Variants in PPP6R3 observed in about 807,000 individuals in gnomAD.
PPP6R3 encodes protein phosphatase 6 regulatory subunit 3.
A neutral mutation model predicts 110.7 loss-of-function variants in PPP6R3; 38 were observed. The ratio of observed to expected loss-of-function variants is 0.34; its 90% CI spans 0.26 to 0.45. The LOEUF (loss-of-function observed/expected upper bound fraction) is 0.45. Among genes scored for constraint, PPP6R3 ranks in the 20% least tolerant of loss-of-function variants. The pLI is 1.00. For synonymous variants in PPP6R3, 369 were observed against 373.5 expected (o/e 0.99, Z 0.14); for missense variants, 870 against 1,062.4 (o/e 0.82, Z 2.52).
intron 12 of PPP6R3, among the ~76,000 whole-genome samples, chr11:68,573,796 G>A (rs993967255): frequency 6.6e-6 from 1 of 152,112 alleles, no homozygotes; most frequent in Non-Finnish European, 1.5e-5. Context: ...ATCAGAGAAG[G>A]TTTATTTGAT....
At chr11:68,562,450 C>T (rs995260594) in intron 8 of PPP6R3, among the ~76,000 whole-genome samples, 1 of 152,116 alleles carries the variant, frequency 6.6e-6, no homozygotes, top group Non-Finnish European at 1.5e-5. Flanking sequence ...CTAAAACTTG[C>T]ACAAGAATCA....
intron 1 of PPP6R3, among the ~76,000 whole-genome samples, chr11:68,504,502 C>G (rs1353404313): frequency 1.3e-5 from 2 of 152,166 alleles, no homozygotes; most frequent in Non-Finnish European, 2.9e-5. Flanking sequence ...GAGTTATACG[C>G]CATAGGAAAG....
At chr11:68,488,064 G>C (rs2098959584) in intron 1 of PPP6R3, among the ~76,000 whole-genome samples, 1 of 152,184 alleles carries the variant, frequency 6.6e-6, no homozygotes, top group South Asian at 2.1e-4. Flanking sequence ...TACACATTAA[G>C]GATTGTTATG....
rs141179875 is a variant in PPP6R3, at chr11:68,611,639, C to T, written c.2571-1427C>T. 4.3e-4 allele frequency among the ~76,000 whole-genome samples: 66 copies of T among 152,198 alleles called. No individual in the cohort carries two copies. The East Asian group carries it at 7.9e-3, about 18-fold the overall frequency. On this transcript the variant is annotated intron_variant, in intron 23 of 23. Transcript: ENST00000393800. ...GGCCGGGTCATAAAGCTGCAGCACACGGACACCCAGTGGTCTCGGGGCATA... is the reference window on the plus strand; with the variant it reads ...GGCCGGGTCATAAAGCTGCAGCACATGGACACCCAGTGGTCTCGGGGCATA...
intron 4 of PPP6R3, among the ~76,000 whole-genome samples, chr11:68,547,051 A>G (rs754363804): frequency 2.6e-5 from 4 of 152,190 alleles, no homozygotes; most frequent in Non-Finnish European, 4.4e-5. Context: ...CTGTATTTAT[A>G]CCTAATTGTA....
chr11:68,542,402 T>TTTTTTTTTTTTTG (rs1565717815), intron 3 of PPP6R3, among the ~76,000 whole-genome samples: 2 of 111,500 alleles, frequency 1.8e-5, no homozygotes, highest in African/African-American at 3.2e-5. Context: ...TTTTTTTTTT[T>TTTTTTTTTTTTTG]TTTTTTTTTA....
Position 68,571,038 on chromosome 11 carries a change from A to G in PPP6R3, c.1279-2A>G. The G allele has an allele frequency of 6.4e-7, 1 of 1,568,728 alleles. No individual in the cohort carries two copies. The highest frequency in any genetic ancestry group is 8.6e-7 in the Non-Finnish European group (1 of 1,165,764). ...CTGGAATATTCTTTTTTTTTTTTTC[A>G]GCTTTTCCAAAAATGTCAATTAATA... On this transcript the variant is annotated splice_acceptor_variant, in intron 11 of 23. Coordinates refer to ENST00000393800, the MANE Select transcript of PPP6R3 (RefSeq NM_001164161.2). LOFTEE classifies it high-confidence loss of function.
At chr11:68,497,275 C>T (rs1438823578) in intron 1 of PPP6R3, among the ~76,000 whole-genome samples, 2 of 149,438 alleles carry the variant, frequency 1.3e-5, no homozygotes, top group African/African-American at 4.9e-5. Context: ...AGGATGGTCT[C>T]GATCTCCTGA....
In PPP6R3 at chr11:68,494,485, C is replaced by T. The variant is rs553955207; in HGVS notation, c.-157-25016C>T. Among the ~76,000 whole-genome samples the T allele has an allele frequency of 1.9e-3, 292 of 150,444 alleles. 2 individuals carry two copies. The highest frequency in any genetic ancestry group is 7.0e-3 in the African/African-American group (286 of 40,916). ...GCAATAGATGAGTGGACCTGTTTCC[C>T]TATATTCCCCTTCTAGTGTTAGTTT... On this transcript the variant is annotated intron_variant, in intron 1 of 23. Transcript: ENST00000393800.
chr11:68,538,227 C>T (rs1001065310), intron 3 of PPP6R3, among the ~76,000 whole-genome samples: 1 of 152,198 alleles, frequency 6.6e-6, no homozygotes, highest in Non-Finnish European at 1.5e-5. Flanking sequence ...TATGCAGAAT[C>T]GCACAGCAGA....
At chr11:68,533,624 G>T (rs1327318069) in intron 2 of PPP6R3, among the ~76,000 whole-genome samples, 1 of 144,608 alleles carries the variant, frequency 6.9e-6, no homozygotes, top group East Asian at 2.1e-4. Flanking sequence ...AGGATCACCT[G>T]AGTCCTGGAG....
Position 68,482,306 on chromosome 11 carries a change from C to T in PPP6R3, c.-158+21479C>T, listed in dbSNP as rs113915736. Among the ~76,000 whole-genome samples the T allele has an allele frequency of 8.9e-3, 1,335 of 150,050 alleles. 20 individuals are homozygous for T. The highest frequency in any genetic ancestry group is 0.031 in the African/African-American group (1,278 of 40,768). ...GCGGGCGCCTGTAATCCCAGCTACT[C>T]AGGAGGCTGAGGCAGGAAAACCGCT... On this transcript the variant is annotated intron_variant, in intron 1 of 23. Transcript: ENST00000393800.
chr11:68,578,135 C>T (rs954624242), intron 14 of PPP6R3, among the ~76,000 whole-genome samples: 1 of 152,060 alleles, frequency 6.6e-6, no homozygotes, highest in Non-Finnish European at 1.5e-5. Context: ...GTTTAATATG[C>T]TTATATAGTA....
At position 68,577,056 on chromosome 11, in the gene PPP6R3, A is replaced by G. The variant is rs2099534515; in HGVS notation, c.1545+1013A>G. Among the ~76,000 whole-genome samples, 8 of 152,304 alleles carry G rather than the reference A, an allele frequency of 5.3e-5. No homozygotes were observed. The South Asian group carries it at 1.7e-3, about 32-fold the overall frequency. ...AATGATAGAATTAGGAAGTATTAAG[A>G]GTTGGAAGAATTATGAAGTTGAGGT... On this transcript the variant is annotated intron_variant, in intron 14 of 23. Transcript: ENST00000393800.
At chr11:68,560,715 A>G (rs914661413) in intron 8 of PPP6R3, among the ~76,000 whole-genome samples, 1 of 152,180 alleles carries the variant, frequency 6.6e-6, no homozygotes, top group Non-Finnish European at 1.5e-5. Context: ...AGTGAACTAC[A>G]CAAAATCATG....
intron 1 of PPP6R3, among the ~76,000 whole-genome samples, chr11:68,464,734 A>G (rs973888485): frequency 6.6e-6 from 1 of 152,180 alleles, no homozygotes; most frequent in Non-Finnish European, 1.5e-5. Context: ...ATACATTACC[A>G]TACTGTGCTG....
In PPP6R3 at chr11:68,615,039, G is replaced by T. The variant is rs1446370552; in HGVS notation, c.*1922G>T. 2.0e-6 allele frequency: 1 copy of T among 495,994 alleles called. No homozygotes were observed. The highest frequency in any genetic ancestry group is 1.9e-5 in the African/African-American group (1 of 51,784). 30.7% of individuals were successfully genotyped at this position (495,994 alleles called of 1,614,324 possible). A position where few individuals can be genotyped will look rare whatever the true frequency, so the allele number is the denominator to read the frequency against. On this transcript the variant is annotated 3_prime_UTR_variant, in exon 24 of 24. Transcript: ENST00000393800. ...TGGTGGCTTCTCCATCCTACCCAAG[G>T]TAACAGTGTCTTGCTTCATCCCACT...
In PPP6R3 at chr11:68,614,475, C is replaced by G; in HGVS notation, c.*1358C>G. 7.3e-7 allele frequency: 1 copy of G among 1,378,356 alleles called. No individual in the cohort carries two copies. Among genetic ancestry groups the G allele is most frequent in the South Asian group, 1.8e-5 (1 of 56,586 alleles). 85.4% of individuals were successfully genotyped at this position (1,378,356 alleles called of 1,614,324 possible). A position where few individuals can be genotyped will look rare whatever the true frequency, so the allele number is the denominator to read the frequency against. On this transcript the variant is annotated 3_prime_UTR_variant, in exon 24 of 24. Transcript: ENST00000393800. The stretch of plus-strand genomic sequence containing the variant: ...TTTTTACATCATTTGTTTTTCCTGA[C>G]CAGTATTTAAAACCAAAAGGATATT...
intron 3 of PPP6R3, among the ~76,000 whole-genome samples, chr11:68,539,732 G>A (rs920706533): frequency 2.6e-5 from 4 of 152,214 alleles, no homozygotes; most frequent in African/African-American, 9.6e-5. Flanking sequence ...AGTAATTGCT[G>A]TATTGGGGTA....
Sources: allele counts gnomAD v4.1 joint callset (sites outside exome capture counted in the v4.1 genomes callset), GRCh38; gene constraint gnomAD v4.1.1; transcripts MANE v1.5; gene names NCBI Gene and HGNC (gene_info 2026-07-23, HGNC 2026-07-21).